ARB2A: variants seen among roughly 807,000 people sequenced by gnomAD.
The protein encoded by ARB2A is ARB2 cotranscriptional regulator A.
the ARB2A span, among the ~76,000 whole-genome samples, chr5:93,867,135 A>G: frequency 6.6e-6 from 1 of 152,192 alleles, no homozygotes; most frequent in Non-Finnish European, 1.5e-5. Flanking sequence ...ATTTGTATAT[A>G]ATGGTTCAAA....
the ARB2A span, among the ~76,000 whole-genome samples, chr5:93,661,122 C>T: frequency 6.6e-6 from 1 of 152,170 alleles, no homozygotes; most frequent in Non-Finnish European, 1.5e-5. Flanking sequence ...AGACATGGCC[C>T]CTGTTTTCAC....
the ARB2A span, among the ~76,000 whole-genome samples, chr5:94,004,704 T>C: frequency 3.9e-5 from 6 of 152,038 alleles, no homozygotes; most frequent in Non-Finnish European, 7.4e-5. Context: ...GGTCTATCAA[T>C]TCCCCATGAA....
the ARB2A span, among the ~76,000 whole-genome samples, chr5:93,975,579 C>T: frequency 6.6e-6 from 1 of 151,924 alleles, no homozygotes; most frequent in Non-Finnish European, 1.5e-5. Context: ...AATCTATGCA[C>T]AATCAGAAAT....
chr5:93,909,235 G>A, the ARB2A span, among the ~76,000 whole-genome samples: 1 of 149,070 alleles, frequency 6.7e-6, no homozygotes. Context: ...CTTTCCTAAT[G>A]TGCCACTTCA....
At chr5:93,749,636 C>T in the ARB2A span, among the ~76,000 whole-genome samples, 1 of 152,168 alleles carries the variant, frequency 6.6e-6, no homozygotes, top group Admixed American at 6.5e-5. Context: ...TGGCCATTAA[C>T]TGTCCACATA....
At chr5:93,879,347 A>G in the ARB2A span, among the ~76,000 whole-genome samples, 1 of 152,046 alleles carries the variant, frequency 6.6e-6, no homozygotes, top group African/African-American at 2.4e-5. Flanking sequence ...TTACTAAGAA[A>G]AAACATTTCA....
At chr5:93,781,718 T>G in the ARB2A span, 2 of 177,692 alleles carry the variant, frequency 1.1e-5, no homozygotes, top group Non-Finnish European at 2.2e-5. Flanking sequence ...TAGTAGCCAT[T>G]CTGATTGGTG....
the ARB2A span, among the ~76,000 whole-genome samples, chr5:93,626,115 T>A: frequency 6.6e-6 from 1 of 152,254 alleles, no homozygotes; most frequent in Admixed American, 6.5e-5. Flanking sequence ...TGAAGCTATA[T>A]GTCATTTTAT....
At chr5:94,084,759 G>A in the ARB2A span, among the ~76,000 whole-genome samples, 1 of 151,984 alleles carries the variant, frequency 6.6e-6, no homozygotes, top group African/African-American at 2.4e-5. Flanking sequence ...TCATATCACT[G>A]GGGAAAACAG....
the ARB2A span, among the ~76,000 whole-genome samples, chr5:93,774,353 G>A: frequency 2.0e-5 from 3 of 152,156 alleles, no homozygotes; most frequent in African/African-American, 4.8e-5. Context: ...AAATGATTCC[G>A]CTTAGGATGA....
At chr5:93,841,779 T>C in the ARB2A span, among the ~76,000 whole-genome samples, 32 of 152,150 alleles carry the variant, frequency 2.1e-4, no homozygotes, top group African/African-American at 7.7e-4. Context: ...CTATTCTTTA[T>C]AGTAATGAAT....
chr5:93,628,090 T>C, the ARB2A span, among the ~76,000 whole-genome samples: 1 of 144,750 alleles, frequency 6.9e-6, no homozygotes, highest in African/African-American at 2.6e-5. Context: ...AGATGGAGTC[T>C]TGCTCTGTCA....
chr5:93,867,079 T>C, the ARB2A span, among the ~76,000 whole-genome samples: 1 of 152,156 alleles, frequency 6.6e-6, no homozygotes, highest in Admixed American at 6.5e-5. Context: ...AGATTTTACT[T>C]TTAATAGATT....
chr5:93,839,864 G>A, the ARB2A span, among the ~76,000 whole-genome samples: 2 of 151,804 alleles, frequency 1.3e-5, no homozygotes, highest in Non-Finnish European at 2.9e-5. Flanking sequence ...GTGGGGTTGG[G>A]GGTAATGTCC....
At chr5:93,885,184 T>C in the ARB2A span, among the ~76,000 whole-genome samples, 1 of 151,506 alleles carries the variant, frequency 6.6e-6, no homozygotes, top group Non-Finnish European at 1.5e-5. Context: ...CACAACAAAA[T>C]TAGTAAGAAG....
chr5:93,891,247 T>C, the ARB2A span, among the ~76,000 whole-genome samples: 1 of 152,132 alleles, frequency 6.6e-6, no homozygotes, highest in Non-Finnish European at 1.5e-5. Flanking sequence ...AATCTACAAG[T>C]AATCTATACA....
chr5:94,054,907 T>C, the ARB2A span, among the ~76,000 whole-genome samples: 1 of 152,200 alleles, frequency 6.6e-6, no homozygotes, highest in Non-Finnish European at 1.5e-5. Context: ...GCCATGACTA[T>C]TGTAAGCTCC....
chr5:94,005,257 G>T, the ARB2A span, among the ~76,000 whole-genome samples: 1 of 152,248 alleles, frequency 6.6e-6, no homozygotes, highest in South Asian at 2.1e-4. Context: ...AGGCTGGAGT[G>T]CAGTGGCATG....
chr5:93,903,337 A>C, the ARB2A span, among the ~76,000 whole-genome samples: 1 of 152,072 alleles, frequency 6.6e-6, no homozygotes, highest in African/African-American at 2.4e-5. Context: ...AATATTACCC[A>C]AAACTCTCTT....
Sources: allele counts gnomAD v4.1 joint callset (sites outside exome capture counted in the v4.1 genomes callset), GRCh38; gene constraint gnomAD v4.1.1; transcripts MANE v1.5; gene names NCBI Gene and HGNC (gene_info 2026-07-23, HGNC 2026-07-21).